FAAH2: variants seen among roughly 807,000 people sequenced by gnomAD.
The protein encoded by FAAH2 is fatty acid amide hydrolase 2, also known as fatty-acid amide hydrolase 2.
In FAAH2, 60 loss-of-function variants were observed where a neutral mutation model predicts 36.9. That is an observed-to-expected ratio of 1.63 (90% CI 1.32 to 2.02). The LOEUF is 2.02. Among genes scored for constraint, FAAH2 ranks in the 30% most tolerant of loss-of-function variants. FAAH2 has a pLI of 0.00. For missense variants in FAAH2, 689 were observed against 397.5 expected (o/e 1.73, Z -6.23); for synonymous variants, 214 against 143.8 (o/e 1.49, Z -3.49).
chrX:57,417,557 A>C (rs769833802), intron 7 of FAAH2, among the ~76,000 whole-genome samples: 9 of 112,109 alleles, frequency 8.0e-5, no homozygotes, highest in African/African-American at 2.3e-4. Flanking sequence ...TTGCCAGTGG[A>C]GGCTGCAGAA....
rs2056725960 is a variant in FAAH2 at position 57,448,532 on chromosome X, T to C, written c.1237T>C (p.Leu413=). ...VYTIPSIGLA[L]LEEKLRYSNE... The stretch of plus-strand genomic sequence containing the variant: ...ATGATATCATTCTGTAGGACTGGCT[T>C]TGTTGGAAGAAAAGCTCAGATATAG... Residue 413 remains leucine (L), a synonymous_variant, in exon 10 of 11, where the codon TTG becomes CTG. Coordinates refer to ENST00000374900, the MANE Select transcript of FAAH2 (RefSeq NM_174912.4). The C allele has an allele frequency of 1.7e-6, 2 of 1,207,483 alleles. No individual in the cohort carries two copies. The highest frequency in any genetic ancestry group is 2.2e-6 in the Non-Finnish European group (2 of 894,142).
chrX:57,258,867 C>A, the FAAH2 span, among the ~76,000 whole-genome samples: 1 of 107,957 alleles, frequency 9.3e-6, no homozygotes. Flanking sequence ...TGCCACCACG[C>A]CTGGCTAATT....
the FAAH2 span, among the ~76,000 whole-genome samples, chrX:57,237,295 C>G: frequency 9.0e-6 from 1 of 111,097 alleles, no homozygotes; most frequent in African/African-American, 3.3e-5. Flanking sequence ...AAGGTGATGC[C>G]TCCAGCTTTG....
intron 5 of FAAH2, among the ~76,000 whole-genome samples, chrX:57,352,072 ATATATATGTGTATATATATG>A (rs1227240453): frequency 1.9e-4 from 6 of 31,805 alleles, no homozygotes; most frequent in African/African-American, 4.2e-4. Flanking sequence ...ATATACACAT[ATATATATGTGTATATATATG>A]CACATATATA....
At chrX:57,149,639 C>T in the FAAH2 span, among the ~76,000 whole-genome samples, 1 of 109,713 alleles carries the variant, frequency 9.1e-6, no homozygotes. Context: ...CTATTTGATT[C>T]TTCTCTCTTT....
chrX:57,272,636 A>G, the FAAH2 span, among the ~76,000 whole-genome samples: 3 of 112,170 alleles, frequency 2.7e-5, no homozygotes, highest in African/African-American at 9.7e-5. Flanking sequence ...TCAAACCAGA[A>G]TTTCATATCT....
At chrX:57,298,758 A>G (rs2052229982) in intron 2 of FAAH2, among the ~76,000 whole-genome samples, 1 of 80,885 alleles carries the variant, frequency 1.2e-5, no homozygotes, top group South Asian at 7.6e-4. Flanking sequence ...ACGCAATAAA[A>G]AATGACAAAG....
chrX:57,479,448 G>T (rs1256127136), intron 10 of FAAH2, among the ~76,000 whole-genome samples: 3 of 111,526 alleles, frequency 2.7e-5, no homozygotes, highest in African/African-American at 9.8e-5. Flanking sequence ...GGGACAATTT[G>T]ACTTCCTCGT....
intron 7 of FAAH2, among the ~76,000 whole-genome samples, chrX:57,423,313 T>A (rs769135311): frequency 9.0e-6 from 1 of 111,581 alleles, no homozygotes; most frequent in East Asian, 2.9e-4. Context: ...TGGACAGAAC[T>A]GAGAGGTGAG....
chrX:57,322,190 G>T (rs2053046049), intron 3 of FAAH2, among the ~76,000 whole-genome samples: 1 of 111,728 alleles, frequency 9.0e-6, no homozygotes, highest in Admixed American at 9.5e-5. Flanking sequence ...TTTTAGTAGA[G>T]ACGGGGTTTC....
chrX:57,180,912 C>T, the FAAH2 span, among the ~76,000 whole-genome samples: 2 of 111,438 alleles, frequency 1.8e-5, no homozygotes, highest in Non-Finnish European at 3.8e-5. Context: ...AAACTAAATC[C>T]TGCAACACAT....
intron 9 of FAAH2, among the ~76,000 whole-genome samples, chrX:57,447,641 C>T (rs2056703119): frequency 8.9e-6 from 1 of 112,351 alleles, no homozygotes; most frequent in African/African-American, 3.2e-5. Flanking sequence ...TTTGGGGCTT[C>T]CATCCTCTGA....
chrX:57,170,697 ATGTGTGTG>A, the FAAH2 span, among the ~76,000 whole-genome samples: 12 of 100,018 alleles, frequency 1.2e-4, no homozygotes, highest in Admixed American at 4.4e-4. Context: ...TATTTACTTT[ATGTGTGTG>A]TGTGTGTGTG....
the FAAH2 span, among the ~76,000 whole-genome samples, chrX:57,233,241 G>A: frequency 4.5e-5 from 5 of 111,284 alleles, no homozygotes; most frequent in African/African-American, 9.8e-5. Flanking sequence ...GGGAGAGTTG[G>A]CATTTTAGTC....
At chrX:57,240,280 T>A in the FAAH2 span, among the ~76,000 whole-genome samples, 2 of 111,381 alleles carry the variant, frequency 1.8e-5, no homozygotes, top group Middle Eastern at 4.2e-3. Flanking sequence ...CATTTCTAGA[T>A]GATTCAGGGG....
intron 7 of FAAH2, among the ~76,000 whole-genome samples, chrX:57,399,636 C>T (rs955233267): frequency 9.0e-6 from 1 of 111,403 alleles, no homozygotes; most frequent in South Asian, 3.8e-4. Flanking sequence ...TTCTGATGAC[C>T]CCAGTAGTGT....
Position 57,488,836 on chromosome X carries a change from G to T in FAAH2, c.1503G>T (p.Gln501His), listed in dbSNP as rs769216854. The change falls in exon 11 of 11, where the codon CAG (glutamine) becomes CAT (histidine). Residue 501 changes from glutamine (Q) to histidine (H), a missense_variant. Transcript: ENST00000374900. ...LNAKGLPLGI[Q>H]VVAGPFNDHL... ...CCAAAGGACTCCCTTTAGGCATCCA[G>T]GTTGTGGCTGGACCCTTTAATGATC... 8.3e-7 allele frequency: 1 copy of T among 1,209,540 alleles called. No individual in the cohort carries two copies. The highest frequency in any genetic ancestry group is 1.8e-5 in the African/African-American group (1 of 57,105).
At chrX:57,448,836 G>A (rs2056732607) in intron 10 of FAAH2, 118 bp downstream of exon 10, 1 of 691,556 alleles carries the variant, frequency 1.4e-6, no homozygotes, top group Non-Finnish European at 2.2e-6. Context: ...GTATAAAAGT[G>A]CTGTGTGATT....
intron 5 of FAAH2, among the ~76,000 whole-genome samples, chrX:57,377,103 C>T (rs2054702842): frequency 8.9e-6 from 1 of 112,103 alleles, no homozygotes; most frequent in Non-Finnish European, 1.9e-5. Flanking sequence ...CTGTAGGTTG[C>T]CTGCTCAATC....
Sources: allele counts gnomAD v4.1 joint callset (sites outside exome capture counted in the v4.1 genomes callset), GRCh38; gene constraint gnomAD v4.1.1; transcripts MANE v1.5; gene names NCBI Gene and HGNC (gene_info 2026-07-23, HGNC 2026-07-21).